The following WASHC2C variants were observed in gnomAD, a reference collection of about 807,000 sequenced individuals.
The protein encoded by WASHC2C is Vaccinia Penetration Factor.
A neutral mutation model predicts 142.2 loss-of-function variants in WASHC2C; 73 were observed. That is an observed-to-expected ratio of 0.51 (90% CI 0.43 to 0.62). The LOEUF (loss-of-function observed/expected upper bound fraction) is 0.62. Among genes scored for constraint, WASHC2C ranks in the 20% least tolerant of loss-of-function variants. The pLI, the probability that WASHC2C is intolerant of heterozygous loss-of-function variation, is 0.00. For missense variants in WASHC2C, 969 were observed against 1,531.7 expected, an observed-to-expected ratio of 0.63 and a Z score of 6.13; for synonymous variants, 337 against 565.5, an observed-to-expected ratio of 0.60 and a Z score of 5.73.
chr10:45,728,731 A>G (rs555580633), intron 2 of WASHC2C, 131 bp from the exon 3 acceptor site: 267 of 282,960 alleles, frequency 9.4e-4, no homozygotes, highest in African/African-American at 6.5e-3. Context: ...ACTCTCTCTC[A>G]AAAAAAAAAA....
At chr10:45,728,279 C>T (rs2050134948) in intron 2 of WASHC2C, among the ~76,000 whole-genome samples, 1 of 152,178 alleles carries the variant, frequency 6.6e-6, no homozygotes, top group African/African-American at 2.4e-5. Context: ...ATAACCCTGC[C>T]TCAGCCTCCC....
chr10:45,784,272 A>G (rs1248115248), intron 23 of WASHC2C, among the ~76,000 whole-genome samples: 2 of 5,986 alleles, frequency 3.3e-4, no homozygotes, highest in Non-Finnish European at 4.9e-4. Flanking sequence ...ATATATATAT[A>G]TATATATATA....
rs577960023 is a variant in WASHC2C, at chr10:45,758,109, C to T, written c.1548+970C>T. 1.5e-3 allele frequency among the ~76,000 whole-genome samples: 233 copies of T among 151,988 alleles called. 1 individual carries two copies. The highest frequency in any genetic ancestry group is 1.8e-3 in the Admixed American group (28 of 15,258). On this transcript the variant is annotated intron_variant, in intron 16 of 30. Coordinates refer to ENST00000623400, the MANE Select transcript of WASHC2C (RefSeq NM_001330074.2). ...CAGCCACTTGTCTTGTAGAATGTGT[C>T]TCGTGAATTTGCTTGATTATTTTCC...
intron 23 of WASHC2C, among the ~76,000 whole-genome samples, chr10:45,784,270 A>ATATATG (rs1554888941): frequency 1.7e-4 from 1 of 5,756 alleles, no homozygotes; most frequent in Non-Finnish European, 5.5e-4. Context: ...ATATATATAT[A>ATATATG]TATATATATA....
At chr10:45,790,755 AGT>A in intron 30 of WASHC2C, among the ~76,000 whole-genome samples, 1 of 152,280 alleles carries the variant, frequency 6.6e-6, no homozygotes, top group South Asian at 2.1e-4. Context: ...AGGCACCCAG[AGT>A]TTGATGTTTA....
At chr10:45,731,760 A>T (rs550001681) in intron 3 of WASHC2C, among the ~76,000 whole-genome samples, 20 of 150,096 alleles carry the variant, frequency 1.3e-4, no homozygotes, top group Non-Finnish European at 2.1e-4. Flanking sequence ...CTGAAAAAAT[A>T]TACTTGCTGA....
At chr10:45,736,652 C>T (rs79168346) in intron 3 of WASHC2C, among the ~76,000 whole-genome samples, 7,494 of 151,966 alleles carry the variant, frequency 0.049, 220 homozygotes, top group East Asian at 0.1. Context: ...AATATATGCA[C>T]GTGTTAGCTT....
rs1410458649 is a variant in WASHC2C, at chr10:45,728,960, A to T, written c.225A>T (p.Thr75=). The T allele has an allele frequency of 1.2e-6, 2 of 1,613,896 alleles. No homozygotes were observed. The highest frequency in any genetic ancestry group is 1.7e-6 in the Non-Finnish European group (2 of 1,179,878). ...GACTAATCCGGGAAACCAAAGCCAC[A>T]GATTGTCGCCTGCATAATGTCTTCA... ...VDGLIRETKA[T]DCRLHNVFND... The change falls in exon 3 of 31, where the codon ACA becomes ACT. Residue 75 remains threonine, a synonymous_variant. Transcript: ENST00000623400.
intron 19 of WASHC2C, 68 bp downstream of exon 19, chr10:45,765,878 A>G: frequency 6.3e-7 from 1 of 1,595,248 alleles, no homozygotes. Context: ...AGCCATCCCA[A>G]GTCTTTTTCT....
intron 26 of WASHC2C, chr10:45,786,104 A>G (rs1455650570): frequency 6.9e-6 from 2 of 289,922 alleles, no homozygotes; most frequent in Non-Finnish European, 1.3e-5. Flanking sequence ...AGGACTGGAG[A>G]GCGAGTGACA....
chr10:45,769,574 T>C lies in WASHC2C; in HGVS notation c.1995T>C (p.Phe665=). 1.2e-5 allele frequency: 19 copies of C among 1,611,904 alleles called. No homozygotes were observed. The highest frequency in any genetic ancestry group is 1.6e-5 in the Non-Finnish European group (19 of 1,179,850). The change falls in exon 20 of 31, where the codon TTT becomes TTC. Residue 665 remains phenylalanine (F), a synonymous_variant. Coordinates refer to ENST00000623400, the MANE Select transcript of WASHC2C (RefSeq NM_001330074.2). ...EAKAVKKTSL[F]EEDKEDDLFA... ...AGGCTGTGAAAAAGACCAGTCTCTT[T>C]GAGGAAGACAAAGAAGATGATCTTT...
Position 45,762,838 on chromosome 10 carries a change from G to A in WASHC2C, c.1636-550G>A, listed in dbSNP as rs557843113. Among the ~76,000 whole-genome samples, 865 of 152,246 alleles carry A rather than the reference G, an allele frequency of 5.7e-3. 5 individuals carry two copies. The highest frequency in any genetic ancestry group is 0.027 in the Middle Eastern group (8 of 292). ...GGAGAATGGTGTGAATCCGGGAGGC[G>A]GAGCTTTCAGTGAGCCGAGATTGCA... On this transcript the variant is annotated intron_variant, in intron 17 of 30. Transcript: ENST00000623400.
chr10:45,791,447 A>G (rs1450855566), intron 30 of WASHC2C, among the ~76,000 whole-genome samples: 1 of 147,500 alleles, frequency 6.8e-6, no homozygotes, highest in African/African-American at 2.5e-5. Context: ...GTTTGTGTAC[A>G]CATCAATATA....
At chr10:45,775,486 CAAAAA>C (rs1295627773) in intron 21 of WASHC2C, among the ~76,000 whole-genome samples, 1 of 99,550 alleles carries the variant, frequency 1.0e-5, no homozygotes, top group Non-Finnish European at 2.1e-5. Flanking sequence ...GACTCCATCT[CAAAAA>C]AAAAAAAAAG....
Position 45,789,117 on chromosome 10 carries a change from G to A in WASHC2C, c.3334G>A (p.Asp1112Asn). ...GGAAGGTGGTCCTGTGCCTGGAGTG[G>A]ACACAAGCCCCTTTGCAAAGTCTCT... The part of the protein sequence containing the change: ...PWEGGPVPGV[D>N]TSPFAKSLGH... Residue 1112 changes from aspartate (D) to asparagine (N), a missense_variant, in exon 29 of 31, where the codon GAC becomes AAC. Transcript: ENST00000623400. 1 of 1,612,068 alleles carries A rather than the reference G, an allele frequency of 6.2e-7. No individual in the cohort carries two copies. Among genetic ancestry groups the A allele is most frequent in the Non-Finnish European group, 8.5e-7 (1 of 1,179,868 alleles).
At position 45,786,765 on chromosome 10, in the gene WASHC2C, C is replaced by G. The variant is rs539496616; in HGVS notation, c.2874+91C>G. 3 of 1,604,384 alleles carry G rather than the reference C, an allele frequency of 1.9e-6. No individual in the cohort carries two copies. In the Admixed American group the frequency reaches 5.0e-5, roughly 27 times the overall value. ...ACTCTTGTCAGCTGCTGCCAAACAT[C>G]TTCTCATCTCTTCCCCCGCCTCCCC... On this transcript the variant is annotated intron_variant, in intron 27 of 30. Coordinates refer to ENST00000623400, the MANE Select transcript of WASHC2C (RefSeq NM_001330074.2).
chr10:45,775,678 G>A (rs2057001654), intron 21 of WASHC2C, among the ~76,000 whole-genome samples: 1 of 139,236 alleles, frequency 7.2e-6, no homozygotes, highest in African/African-American at 2.7e-5. Flanking sequence ...TATTTGCATT[G>A]AATTTTTTTT....
intron 16 of WASHC2C, 132 bp downstream of exon 16, chr10:45,757,271 C>T: frequency 2.9e-6 from 3 of 1,030,716 alleles, no homozygotes; most frequent in Non-Finnish European, 4.2e-6. Context: ...GTGGAAAGAA[C>T]ATTGCAGTGA....
rs1202326833 is a variant in WASHC2C at position 45,753,840 on chromosome 10, C to CT, written c.1180+612dup. Among the ~76,000 whole-genome samples, 239 of 131,274 alleles carry CT rather than the reference C, an allele frequency of 1.8e-3. 1 individual carries two copies. Among genetic ancestry groups the CT allele is most frequent in the African/African-American group, 6.6e-3 (233 of 35,404 alleles). The allele number at this position is 131,274 out of a possible 152,430, so 86.1% of individuals were successfully genotyped here. On this transcript the variant is annotated intron_variant, in intron 13 of 30. Coordinates refer to ENST00000623400, the MANE Select transcript of WASHC2C (RefSeq NM_001330074.2). Reference sequence around the variant, plus strand: ...ATATAAATATGTTTTTTTTTTTTTTCTTTTTTTTTAACCTACAAATGTTAC... The same window carrying CT: ...ATATAAATATGTTTTTTTTTTTTTTCTTTTTTTTTTAACCTACAAATGTTAC...
Sources: gnomAD v4.1 joint callset for allele counts (sites outside exome capture counted in the v4.1 genomes callset) on GRCh38, gnomAD v4.1.1 for gene constraint, MANE v1.5 for transcripts, NCBI Gene and HGNC (gene_info 2026-07-23, HGNC 2026-07-21) for gene names.